CRTAC1: variants seen among roughly 807,000 people sequenced by gnomAD.
CRTAC1 encodes acidic secreted protein in cartilage.
CRTAC1 carries 37 observed loss-of-function variants against 67.8 expected under a neutral mutation model. That is an observed-to-expected ratio of 0.55 (90% CI 0.42 to 0.72). CRTAC1 has a LOEUF of 0.72. Among genes scored for constraint, CRTAC1 ranks in the 30% least tolerant of loss-of-function variants. The pLI is 0.00. For synonymous variants in CRTAC1, 348 were observed against 371.0 expected, an observed-to-expected ratio of 0.94 and a Z score of 0.71; for missense variants, 780 against 931.6, an observed-to-expected ratio of 0.84 and a Z score of 2.12.
chr10:98,029,698 T>G lies in CRTAC1; in HGVS notation c.24+751A>C, dbSNP rs952153806. 6.6e-6 allele frequency among the ~76,000 whole-genome samples: 1 copy of G among 152,192 alleles called. No individual in the cohort carries two copies. On this transcript the variant is annotated intron_variant, in intron 1 of 14. Transcript: ENST00000370597. This position sits in a 1 kb window ranked among gnomAD's most constrained non-coding sequence, Gnocchi z 4.7. ...TAACCAGGGCTCCCAACTACTGTAC[T>G]GCAAAGAAGCGCGCTGCATTGCTGG...
chr10:97,978,849 T>C (rs1490235566), intron 2 of CRTAC1, among the ~76,000 whole-genome samples: 1 of 152,210 alleles, frequency 6.6e-6, no homozygotes, highest in Non-Finnish European at 1.5e-5. Flanking sequence ...CCTTACAAGA[T>C]TTCTGTGGAG....
intron 2 of CRTAC1, among the ~76,000 whole-genome samples, chr10:97,989,086 TCTC>T (rs1480472253): frequency 2.6e-5 from 4 of 152,108 alleles, no homozygotes; most frequent in Non-Finnish European, 5.9e-5. Flanking sequence ...CATCTCATCT[TCTC>T]CTGCCCTGGA....
chr10:97,953,594 C>T (rs1445360317), intron 2 of CRTAC1, among the ~76,000 whole-genome samples: 2 of 152,182 alleles, frequency 1.3e-5, no homozygotes, highest in Admixed American at 1.3e-4. Context: ...ATGGCCTCGT[C>T]ATCTGCGTCT....
At chr10:98,002,836 A>C (rs1377616843) in intron 2 of CRTAC1, among the ~76,000 whole-genome samples, 1 of 115,948 alleles carries the variant, frequency 8.6e-6, no homozygotes, top group African/African-American at 3.3e-5. Context: ...TGGAGTGCAG[A>C]GGTGCAATCT....
At chr10:97,889,514 G>A (rs1001021434) in intron 11 of CRTAC1, among the ~76,000 whole-genome samples, 14 of 151,940 alleles carry the variant, frequency 9.2e-5, no homozygotes, top group East Asian at 7.7e-4. Flanking sequence ...GCAAGATGTC[G>A]CTATGAGAGC....
At chr10:97,865,761 C>A in intron 14 of CRTAC1, 47 bp from the exon 15 acceptor site, 2 of 1,279,402 alleles carry the variant, frequency 1.6e-6, no homozygotes, top group East Asian at 5.0e-5. Context: ...AGACCTGCGG[C>A]GGCTGCGCTA....
chr10:97,879,865 T>TGGGGGGGGGGGG (rs2050189982), intron 14 of CRTAC1: 17 of 228,310 alleles, frequency 7.4e-5, no homozygotes, highest in African/African-American at 1.3e-4. Context: ...GGGGACGGGG[T>TGGGGGGGGGGGG]GGGGGTGGAG....
chr10:97,895,841 A>G lies in CRTAC1; in HGVS notation c.1317+44T>C. ...CCCTCACCAACTCAAGGTACCCGAG[A>G]GCACACAGGGCTGGGATCTGTGGCT... On this transcript the variant is annotated intron_variant, in intron 10 of 14. Coordinates refer to ENST00000370597, the MANE Select transcript of CRTAC1 (RefSeq NM_018058.7). The surrounding 1 kb of genome is among the most constrained non-coding windows in gnomAD (Gnocchi z 4.2). 6.5e-7 allele frequency: 1 copy of G among 1,529,298 alleles called. No individual in the cohort carries two copies. The highest frequency in any genetic ancestry group is 9.0e-7 in the Non-Finnish European group (1 of 1,105,482). 94.7% of individuals were successfully genotyped at this position (1,529,298 alleles called of 1,614,324 possible).
intron 2 of CRTAC1, among the ~76,000 whole-genome samples, chr10:97,997,066 C>G (rs1842590498): frequency 1.7e-5 from 2 of 118,340 alleles, no homozygotes; most frequent in Non-Finnish European, 3.2e-5. Flanking sequence ...AGGGGAACAT[C>G]ACACTCTGGG....
At chr10:97,910,003 G>A (rs1010014757) in intron 5 of CRTAC1, among the ~76,000 whole-genome samples, 3 of 151,518 alleles carry the variant, frequency 2.0e-5, no homozygotes, top group Admixed American at 6.6e-5. Flanking sequence ...ATCTAAAAAA[G>A]TTGAACTCAT....
At position 98,030,330 on chromosome 10, in the gene CRTAC1, A is replaced by C. The variant is rs115663149; in HGVS notation, c.24+119T>G. On this transcript the variant is annotated intron_variant, in intron 1 of 14. Coordinates refer to ENST00000370597, the MANE Select transcript of CRTAC1 (RefSeq NM_018058.7). The surrounding 1 kb of genome is among the most constrained non-coding windows in gnomAD (Gnocchi z 4.2). ...GCGAAGCCGCCGCCTTCGCGATCCC[A>C]GTCTTCCCGGGTTCCCGGGCGGCGT... 8.0e-3 allele frequency: 4,863 copies of C among 607,410 alleles called. 175 individuals are homozygous for C. Among genetic ancestry groups the C allele is most frequent in the African/African-American group, 0.075 (3,907 of 52,244 alleles). The allele number at this position is 607,410 out of a possible 1,614,324, so 37.6% of individuals were successfully genotyped here. A position where few individuals can be genotyped will look rare whatever the true frequency, so the allele number is the denominator to read the frequency against.
intron 2 of CRTAC1, among the ~76,000 whole-genome samples, chr10:97,961,378 C>T (rs942460740): frequency 1.3e-5 from 2 of 152,124 alleles, no homozygotes; most frequent in African/African-American, 2.4e-5. Context: ...GGGGGGAAAA[C>T]GTCATGAAAA....
intron 2 of CRTAC1, among the ~76,000 whole-genome samples, chr10:97,942,548 A>G (rs1464155710): frequency 6.6e-6 from 1 of 152,166 alleles, no homozygotes; most frequent in Non-Finnish European, 1.5e-5. Context: ...TCTTTGACCT[A>G]TGTGAAAAAA....
intron 2 of CRTAC1, among the ~76,000 whole-genome samples, chr10:97,952,849 A>G (rs921979633): frequency 7.9e-5 from 12 of 152,240 alleles, no homozygotes; most frequent in Non-Finnish European, 1.0e-4. Flanking sequence ...GTGAATACCT[A>G]GAAGGACTAT....
chr10:97,998,330 A>G (rs900805390), intron 2 of CRTAC1, among the ~76,000 whole-genome samples: 5 of 152,204 alleles, frequency 3.3e-5, no homozygotes, highest in African/African-American at 1.2e-4. Context: ...ACAGACATGA[A>G]TCCTCCAATT....
chr10:97,936,109 C>T, intron 3 of CRTAC1, 61 bp downstream of exon 3: 1 of 1,498,114 alleles, frequency 6.7e-7, no homozygotes, highest in Non-Finnish European at 9.1e-7. Flanking sequence ...TGGCCCTCCC[C>T]AAGTTGCTAC....
At chr10:98,002,761 CTTTTTTTTTT>C (rs531021933) in intron 2 of CRTAC1, among the ~76,000 whole-genome samples, 42 of 37,280 alleles carry the variant, frequency 1.1e-3, no homozygotes, top group African/African-American at 1.8e-3. Flanking sequence ...ACAAAACTCA[CTTTTTTTTTT>C]TTTTTTTTTT....
chr10:97,965,633 A>T (rs2051602847), intron 2 of CRTAC1, among the ~76,000 whole-genome samples: 1 of 150,740 alleles, frequency 6.6e-6, no homozygotes, highest in African/African-American at 2.4e-5. Flanking sequence ...TTTAAACTGG[A>T]TAGTTGAGTT....
chr10:98,017,828 T>C (rs1352687156), intron 1 of CRTAC1, among the ~76,000 whole-genome samples: 3 of 151,882 alleles, frequency 2.0e-5, no homozygotes, highest in Admixed American at 6.6e-5. Context: ...TGAGCCATCG[T>C]ATCTGCTAAT....
Sources: gnomAD v4.1 joint callset for allele counts (sites outside exome capture counted in the v4.1 genomes callset) on GRCh38, gnomAD v4.1.1 for gene constraint, Gnocchi (gnomAD v3.1) non-coding constraint, MANE v1.5 for transcripts, NCBI Gene and HGNC (gene_info 2026-07-23, HGNC 2026-07-21) for gene names.